PTPRD: variants seen among roughly 807,000 people sequenced by gnomAD.
PTPRD encodes protein tyrosine phosphatase receptor type D, also known as receptor-type tyrosine-protein phosphatase delta.
PTPRD carries 34 observed loss-of-function variants against 214.5 expected under a neutral mutation model. The ratio of observed to expected loss-of-function variants is 0.16; its 90% CI spans 0.12 to 0.21. The LOEUF is 0.21. Among genes scored for constraint, PTPRD ranks in the 10% least tolerant of loss-of-function variants. The pLI, the probability that PTPRD is intolerant of heterozygous loss-of-function variation, is 1.00. For synonymous variants in PTPRD, 1,128 were observed against 845.7 expected (o/e 1.33, Z -5.79); for missense variants, 2,545 against 2,398.7 (o/e 1.06, Z -1.27).
At chr9:8,347,824 T>C (rs998794567) in intron 39 of PTPRD, among the ~76,000 whole-genome samples, 1 of 152,106 alleles carries the variant, frequency 6.6e-6, no homozygotes, top group Admixed American at 6.6e-5. Context: ...AAAGTAGTCA[T>C]CTAAAAGCCA....
intron 11 of PTPRD, among the ~76,000 whole-genome samples, chr9:8,768,365 A>G (rs1224726338): frequency 6.6e-6 from 1 of 152,214 alleles, no homozygotes; most frequent in Non-Finnish European, 1.5e-5. Context: ...AGTCTGAGCA[A>G]CATGGCAAAA....
intron 8 of PTPRD, among the ~76,000 whole-genome samples, chr9:9,546,274 GA>G (rs535655449): frequency 1.5e-3 from 222 of 149,896 alleles, no homozygotes; most frequent in African/African-American, 4.9e-3. Context: ...TGTCATCTGA[GA>G]AAAAAAAATA....
intron 5 of PTPRD, among the ~76,000 whole-genome samples, chr9:9,885,712 G>A (rs2070619321): frequency 1.3e-5 from 2 of 151,946 alleles, no homozygotes; most frequent in African/African-American, 4.8e-5. Flanking sequence ...TCCAGAAAAG[G>A]CAACAAAATA....
chr9:9,881,327 C>T (rs1210939469), intron 5 of PTPRD, among the ~76,000 whole-genome samples: 1 of 152,118 alleles, frequency 6.6e-6, no homozygotes, highest in Non-Finnish European at 1.5e-5. Flanking sequence ...TTATTTCTCT[C>T]ACCATTGATG....
chr9:8,701,195 A>G (rs1057447784), intron 12 of PTPRD, among the ~76,000 whole-genome samples: 4 of 152,118 alleles, frequency 2.6e-5, no homozygotes, highest in Admixed American at 6.5e-5. Flanking sequence ...TTTTAGTGCC[A>G]TAATTCAGGG....
intron 7 of PTPRD, among the ~76,000 whole-genome samples, chr9:9,684,073 C>G (rs995288905): frequency 6.6e-6 from 1 of 151,400 alleles, no homozygotes; most frequent in Admixed American, 6.6e-5. Flanking sequence ...GCAGTGAAGG[C>G]CAGATACTCG....
intron 19 of PTPRD, among the ~76,000 whole-genome samples, chr9:8,523,217 T>A (rs1362056779): frequency 7.2e-5 from 11 of 151,808 alleles, no homozygotes; most frequent in Non-Finnish European, 1.5e-5. Context: ...AAAGGCAGGG[T>A]GGGAGATGGG....
At chr9:9,668,275 G>C (rs537721547) in intron 7 of PTPRD, among the ~76,000 whole-genome samples, 1 of 152,110 alleles carries the variant, frequency 6.6e-6, no homozygotes, top group Admixed American at 6.6e-5. Flanking sequence ...ATCTGGACCC[G>C]ACAATTTATT....
At chr9:8,331,541 A>C in intron 44 of PTPRD, 41 bp downstream of exon 44, 1 of 1,611,872 alleles carries the variant, frequency 6.2e-7, no homozygotes, top group Non-Finnish European at 8.5e-7. Flanking sequence ...ATGAAGAAAC[A>C]CCACCACTTA....
At chr9:9,419,849 C>T (rs2078144567) in intron 8 of PTPRD, among the ~76,000 whole-genome samples, 1 of 151,564 alleles carries the variant, frequency 6.6e-6, no homozygotes, top group Admixed American at 6.6e-5. Flanking sequence ...ATATCATATG[C>T]ATTTAAGAAA....
At chr9:9,713,808 C>T (rs942333926) in intron 7 of PTPRD, among the ~76,000 whole-genome samples, 1 of 152,054 alleles carries the variant, frequency 6.6e-6, no homozygotes, top group Admixed American at 6.6e-5. Context: ...ATTATGGCCA[C>T]TTGTCTCCAA....
intron 8 of PTPRD, among the ~76,000 whole-genome samples, chr9:9,447,990 A>T (rs2091005112): frequency 6.6e-6 from 1 of 152,020 alleles, no homozygotes; most frequent in Admixed American, 6.6e-5. Context: ...TTTTGGTGAA[A>T]TGGGCTACTA....
intron 8 of PTPRD, among the ~76,000 whole-genome samples, chr9:9,495,310 C>CAA (rs541722358): frequency 1.3e-3 from 109 of 84,612 alleles, no homozygotes; most frequent in Middle Eastern, 6.1e-3. Context: ...ACCTTCAAGC[C>CAA]AAAAAAAAAA....
chr9:10,170,146 G>A (rs1370465947), intron 3 of PTPRD, among the ~76,000 whole-genome samples: 1 of 152,116 alleles, frequency 6.6e-6, no homozygotes, highest in African/African-American at 2.4e-5. Flanking sequence ...TTTATCACAT[G>A]CAGGCAGCAC....
At chr9:8,384,894 T>C (rs1295201986) in intron 37 of PTPRD, among the ~76,000 whole-genome samples, 1 of 152,190 alleles carries the variant, frequency 6.6e-6, no homozygotes, top group Non-Finnish European at 1.5e-5. Flanking sequence ...TACTTTTCCT[T>C]CAGGGTTGAT....
rs748481193 is a variant in PTPRD at position 8,317,915 on chromosome 9, C to G, written c.5698G>C (p.Ala1900Pro). The G allele has an allele frequency of 6.2e-7, 1 of 1,611,704 alleles. No individual in the cohort carries two copies. The highest frequency in any genetic ancestry group is 8.5e-7 in the Non-Finnish European group (1 of 1,178,556). Residue 1900 changes from alanine to proline, a missense_variant, in exon 46 of 46, where the codon GCA (alanine) becomes CCA (proline). Transcript: ENST00000381196. ...EDQYQFSYRAALEYLGSFDHY... is the reference protein window; with the variant it reads ...EDQYQFSYRAPLEYLGSFDHY... ...TCAAAGCTGCCCAGGTACTCTAGTG[C>G]GGCACGATAGGAAAACTGATATTGA...
At chr9:9,325,654 T>C (rs1166084724) in intron 9 of PTPRD, among the ~76,000 whole-genome samples, 1 of 152,186 alleles carries the variant, frequency 6.6e-6, no homozygotes, top group Non-Finnish European at 1.5e-5. Context: ...ACAATTTGAC[T>C]TCCTCTTTTC....
At chr9:8,808,005 C>T (rs2096722067) in intron 11 of PTPRD, among the ~76,000 whole-genome samples, 1 of 152,134 alleles carries the variant, frequency 6.6e-6, no homozygotes, top group African/African-American at 2.4e-5. Flanking sequence ...TGCTTGGGGA[C>T]ATGTATGCTC....
At chr9:9,602,235 G>C (rs1563984432) in intron 7 of PTPRD, among the ~76,000 whole-genome samples, 1 of 151,826 alleles carries the variant, frequency 6.6e-6, no homozygotes, top group Non-Finnish European at 1.5e-5. Flanking sequence ...TTTACTTTCA[G>C]TCTGAAAAAA....
Sources: allele counts gnomAD v4.1 joint callset (sites outside exome capture counted in the v4.1 genomes callset), GRCh38; gene constraint gnomAD v4.1.1; transcripts MANE v1.5; gene names NCBI Gene and HGNC (gene_info 2026-07-23, HGNC 2026-07-21).